Variants in DLGAP2 observed in about 807,000 individuals in gnomAD.
The protein encoded by DLGAP2 is DLG associated protein 2, also known as disks large-associated protein 2.
A neutral mutation model predicts 100.3 loss-of-function variants in DLGAP2; 26 were observed. That is an observed-to-expected ratio of 0.26 (90% confidence interval 0.19 to 0.36). The LOEUF is 0.36. Ranked by LOEUF, DLGAP2 falls within the 10% of genes least tolerant of loss-of-function variation. The pLI is 1.00. For missense variants in DLGAP2, 1,858 were observed against 1,453.2 expected (o/e 1.28, Z -4.53); for synonymous variants, 886 against 630.1 (o/e 1.41, Z -6.08).
intron 12 of DLGAP2, among the ~76,000 whole-genome samples, chr8:1,681,800 G>A (rs1310545069): frequency 3.9e-5 from 6 of 152,244 alleles, no homozygotes; most frequent in African/African-American, 7.2e-5. Flanking sequence ...CTGGGGCTCT[G>A]AGAGATTAAG....
At chr8:1,012,959 C>T (rs1051711601) in intron 2 of DLGAP2, among the ~76,000 whole-genome samples, 8 of 152,106 alleles carry the variant, frequency 5.3e-5, no homozygotes, top group Non-Finnish European at 1.2e-4. Context: ...AGAGGGGGTC[C>T]CTGCCAGTGT....
chr8:1,647,479 A>T (rs1382740794), intron 8 of DLGAP2, among the ~76,000 whole-genome samples: 1 of 115,242 alleles, frequency 8.7e-6, no homozygotes, highest in Non-Finnish European at 1.7e-5. Flanking sequence ...ACAGAGAGAG[A>T]CTCTGTCTCA....
At chr8:1,237,131 G>GGCCGTGTCTAGTTCTCTCACATGGT (rs1563271505) in intron 2 of DLGAP2, among the ~76,000 whole-genome samples, 1 of 6,654 alleles carries the variant, frequency 1.5e-4, no homozygotes, top group Non-Finnish European at 3.2e-4. Context: ...TCTCACATGG[G>GGCCGTGTCTAGTTCTCTCACATGGT]GCCGTGTCTA....
At chr8:1,388,916 G>A (rs1182737015) in intron 3 of DLGAP2, among the ~76,000 whole-genome samples, 4 of 126,882 alleles carry the variant, frequency 3.2e-5, no homozygotes, top group Non-Finnish European at 4.9e-5. Context: ...GGCAGATGCC[G>A]TGGATGAGGA....
chr8:1,633,170 T>C (rs902612616), intron 8 of DLGAP2, 124 bp downstream of exon 8: 3 of 873,020 alleles, frequency 3.4e-6, no homozygotes, highest in Admixed American at 2.6e-5. Context: ...CTAGTAACGT[T>C]TCCTAATTGC....
Position 924,275 on chromosome 8 carries a change from G to T in DLGAP2, c.73+16309G>T, listed in dbSNP as rs569101553. On this transcript the variant is annotated intron_variant, in intron 2 of 14. Transcript: ENST00000637795. Reference sequence around the variant, plus strand: ...TACTGGCCCTTCCTAGGTGATGTGGGTAGAAGACAGTGAGGCCATCTCTGT... The same window carrying T: ...TACTGGCCCTTCCTAGGTGATGTGGTTAGAAGACAGTGAGGCCATCTCTGT... Among the ~76,000 whole-genome samples, 5 of 152,350 alleles carry T rather than the reference G, an allele frequency of 3.3e-5. No individual in the cohort carries two copies. In the South Asian group the frequency reaches 1.0e-3, roughly 32 times the overall value.
intron 2 of DLGAP2, among the ~76,000 whole-genome samples, chr8:1,050,202 A>G (rs895549675): frequency 1.3e-5 from 2 of 152,262 alleles, no homozygotes; most frequent in African/African-American, 4.8e-5. Flanking sequence ...AATATTCATT[A>G]TAAATTGTAA....
chr8:1,183,163 G>C (rs1263103701), intron 2 of DLGAP2, among the ~76,000 whole-genome samples: 4 of 152,072 alleles, frequency 2.6e-5, no homozygotes, highest in African/African-American at 9.7e-5. Context: ...GCTAGGTAAG[G>C]ACACAGCAGC....
chr8:1,143,687 G>A (rs1009970766), intron 2 of DLGAP2, among the ~76,000 whole-genome samples: 4 of 152,288 alleles, frequency 2.6e-5, no homozygotes, highest in African/African-American at 7.2e-5. Flanking sequence ...TTTGGCCCAC[G>A]GATGCTACAC....
At chr8:1,535,416 G>C (rs930477271) in intron 4 of DLGAP2, among the ~76,000 whole-genome samples, 1 of 152,192 alleles carries the variant, frequency 6.6e-6, no homozygotes, top group Non-Finnish European at 1.5e-5. Context: ...CTCACCCCAC[G>C]ATGGGTCAGG....
chr8:1,212,847 G>A (rs1798134576), intron 2 of DLGAP2, among the ~76,000 whole-genome samples: 2 of 136,890 alleles, frequency 1.5e-5, no homozygotes, highest in South Asian at 4.4e-4. Context: ...ACATGTATAT[G>A]TACTCATCTT....
intron 6 of DLGAP2, among the ~76,000 whole-genome samples, chr8:1,625,804 A>G (rs898452186): frequency 6.6e-6 from 1 of 152,268 alleles, no homozygotes; most frequent in Admixed American, 6.5e-5. Flanking sequence ...GCAATTTTGT[A>G]AATAGCCTCC....
intron 1 of DLGAP2, among the ~76,000 whole-genome samples, chr8:749,916 A>C (rs1475797366): frequency 1.3e-5 from 2 of 151,448 alleles, no homozygotes; most frequent in Non-Finnish European, 2.9e-5. Context: ...TGGCCTCATC[A>C]CTCCAGCCTG....
chr8:890,657 C>T (rs1798016327), intron 1 of DLGAP2, among the ~76,000 whole-genome samples: 1 of 151,990 alleles, frequency 6.6e-6, no homozygotes, highest in Admixed American at 6.6e-5. Context: ...GCAGGTTTGC[C>T]CTCACCCACC....
At chr8:1,226,598 G>T (rs986386433) in intron 2 of DLGAP2, among the ~76,000 whole-genome samples, 2 of 152,142 alleles carry the variant, frequency 1.3e-5, no homozygotes, top group African/African-American at 2.4e-5. Flanking sequence ...TGAATGTCGT[G>T]TACATGTATC....
Position 921,596 on chromosome 8 carries a change from C to T in DLGAP2, c.73+13630C>T, listed in dbSNP as rs534348356. Among the ~76,000 whole-genome samples, 9 of 152,364 alleles carry T rather than the reference C, an allele frequency of 5.9e-5. No individual in the cohort carries two copies. The South Asian group carries it at 1.4e-3, about 25-fold the overall frequency. On this transcript the variant is annotated intron_variant, in intron 2 of 14. Coordinates refer to ENST00000637795, the MANE Select transcript of DLGAP2 (RefSeq NM_001346810.2). Reference sequence around the variant, plus strand: ...GACAGTCTGTGGGATTGTCCTGGTCCCGTGTCCCTTCTGCCTGGAGGACCC... The same window carrying T: ...GACAGTCTGTGGGATTGTCCTGGTCTCGTGTCCCTTCTGCCTGGAGGACCC...
At chr8:1,470,786 C>T (rs1798763554) in intron 3 of DLGAP2, among the ~76,000 whole-genome samples, 1 of 123,582 alleles carries the variant, frequency 8.1e-6, no homozygotes, top group Non-Finnish European at 1.8e-5. Flanking sequence ...CTCCCCCAGC[C>T]TTTCCCGACC....
At chr8:1,370,954 T>C (rs561808248) in intron 3 of DLGAP2, among the ~76,000 whole-genome samples, 1 of 152,384 alleles carries the variant, frequency 6.6e-6, no homozygotes, top group African/African-American at 2.4e-5. Context: ...TTCATCTGTA[T>C]GTTAGGCGCC....
intron 3 of DLGAP2, among the ~76,000 whole-genome samples, chr8:1,313,857 C>G (rs1332080406): frequency 6.6e-6 from 1 of 152,132 alleles, no homozygotes; most frequent in Non-Finnish European, 1.5e-5. Flanking sequence ...CTCTCATATT[C>G]ATCAGCAGCA....
Sources: gnomAD v4.1 joint callset for allele counts (sites outside exome capture counted in the v4.1 genomes callset) on GRCh38, gnomAD v4.1.1 for gene constraint, MANE v1.5 for transcripts, NCBI Gene and HGNC (gene_info 2026-07-23, HGNC 2026-07-21) for gene names.